The following AMY2B variants were observed in gnomAD, a reference collection of about 807,000 sequenced individuals.
The protein encoded by AMY2B is alpha-amylase 2B.
AMY2B carries 63 observed loss-of-function variants against 59.3 expected under a neutral mutation model. That is an observed-to-expected ratio of 1.06 (90% CI 0.87 to 1.31). The LOEUF (loss-of-function observed/expected upper bound fraction) is 1.31. Among genes scored for constraint, AMY2B ranks in the 50% most tolerant of loss-of-function variants. The pLI is 0.00. For synonymous variants in AMY2B, 180 were observed against 198.1 expected (o/e 0.91, Z 0.77); for missense variants, 635 against 626.7 (o/e 1.01, Z -0.14).
chr1:103,579,282 G>A, intron 9 of AMY2B, 29 bp from the exon 10 acceptor site: 1 of 1,611,562 alleles, frequency 6.2e-7, no homozygotes, highest in Non-Finnish European at 8.5e-7. Flanking sequence ...TCAGTGTATT[G>A]AAGTTAAATC....
At chr1:103,573,621 G>T in intron 3 of AMY2B, 87 bp from the exon 4 acceptor site, 4 of 1,571,242 alleles carry the variant, frequency 2.5e-6, no homozygotes, top group South Asian at 1.1e-5. Context: ...ATCTCTTGAG[G>T]AATCATGGAA....
chr1:103,575,689 T>C, intron 7 of AMY2B, 149 bp downstream of exon 7: 3 of 1,164,552 alleles, frequency 2.6e-6, no homozygotes, highest in Non-Finnish European at 3.6e-6. Flanking sequence ...ATGCAGGTTA[T>C]ATTAAAGGAG....
At chr1:103,574,517 A>G in intron 5 of AMY2B, 124 bp downstream of exon 5, 1 of 1,560,830 alleles carries the variant, frequency 6.4e-7, no homozygotes, top group Non-Finnish European at 8.7e-7. Context: ...TGTTAATGAT[A>G]AGTATTCTAG....
Position 103,579,354 on chromosome 1 carries a change from T to A in AMY2B, c.1390T>A (p.Tyr464Asn), listed in dbSNP as rs1336717024. 1 of 1,611,690 alleles carries A rather than the reference T, an allele frequency of 6.2e-7. No homozygotes were observed. The highest frequency in any genetic ancestry group is 8.5e-7 in the Non-Finnish European group (1 of 1,179,734). Reference protein sequence around the residue: ...TLQTGLPAGTYCDVISGDKIN... With the variant: ...TLQTGLPAGTNCDVISGDKIN... The stretch of plus-strand genomic sequence containing the variant: ...GCAAACTGGTCTTCCTGCTGGCACA[T>A]ACTGTGATGTCATTTCTGGAGATAA... The change falls in exon 10 of 10, where the codon TAC becomes AAC. Residue 464 changes from tyrosine (Y) to asparagine (N), a missense_variant. Physicochemically the swap from Tyr to Asn is moderately radical, Grantham distance 143. Transcript: ENST00000684275.
At chr1:103,573,590 G>A in intron 3 of AMY2B, 118 bp from the exon 4 acceptor site, 2 of 1,466,750 alleles carry the variant, frequency 1.4e-6, no homozygotes, top group Non-Finnish European at 1.9e-6. Flanking sequence ...AGCGCCCAAT[G>A]CAAGGAAGTC....
At chr1:103,561,205 C>T (rs1379548090) in intron 1 of AMY2B, among the ~76,000 whole-genome samples, 1 of 152,024 alleles carries the variant, frequency 6.6e-6, no homozygotes, top group East Asian at 1.9e-4. Flanking sequence ...AAGGTTCATA[C>T]AGAAAAAAAT....
chr1:103,573,027 T>A (rs748035192), intron 2 of AMY2B, 36 bp from the exon 3 acceptor site: 2 of 1,612,468 alleles, frequency 1.2e-6, no homozygotes, highest in East Asian at 2.2e-5. Flanking sequence ...TCTGCCTCTC[T>A]GTAAGTCACA....
At chr1:103,573,997 G>T (rs1175110275) in intron 4 of AMY2B, 59 bp downstream of exon 4, 9 of 1,611,808 alleles carry the variant, frequency 5.6e-6, no homozygotes, top group South Asian at 3.3e-5. Context: ...AATAATGGCA[G>T]ATTTAATTAA....
Position 103,575,892 on chromosome 1 carries a change from G to T in AMY2B, c.1101+352G>T, listed in dbSNP as rs564995828. ...GATTATACATGCCAACACTTTTAGA[G>T]AACTTAAAACATCATCTGCCCACAG... On this transcript the variant is annotated intron_variant, in intron 7 of 9. Coordinates refer to ENST00000684275, the MANE Select transcript of AMY2B (RefSeq NM_001387437.1). 1.1e-3 allele frequency: 202 copies of T among 192,150 alleles called. 3 individuals are homozygous for T. In the South Asian group the frequency reaches 0.023, roughly 22 times the overall value. The allele number at this position is 192,150 out of a possible 1,614,324, so 11.9% of individuals were successfully genotyped here. A position where few individuals can be genotyped will look rare whatever the true frequency, so the allele number is the denominator to read the frequency against.
chr1:103,570,939 C>CT (rs1652105546), upstream of AMY2B: 1 of 346,926 alleles, frequency 2.9e-6, no homozygotes, highest in Non-Finnish European at 5.6e-6. Context: ...GGCTTGGTCA[C>CT]TTCATGGCTA....
exon 2 of AMY2B, chr1:103,565,555 G>T (rs1651881193): frequency 6.6e-6 from 1 of 152,142 alleles, no homozygotes; most frequent in Non-Finnish European, 1.5e-5. Context: ...TTGTTGGAAT[G>T]ACTAGGGACA....
chr1:103,556,574 AAGTAT>A (rs1453345846), intron 1 of AMY2B, among the ~76,000 whole-genome samples: 3 of 151,912 alleles, frequency 2.0e-5, no homozygotes, highest in Non-Finnish European at 2.9e-5. Context: ...TAATAGTACT[AAGTAT>A]AGTATACTAA....
chr1:103,576,725 G>A (rs1438099546), intron 7 of AMY2B, among the ~76,000 whole-genome samples: 1 of 152,146 alleles, frequency 6.6e-6, no homozygotes. Context: ...TTGAGCACAT[G>A]TCACGTTCAA....
At chr1:103,555,911 T>C (rs1282220126) in intron 1 of AMY2B, among the ~76,000 whole-genome samples, 1 of 152,086 alleles carries the variant, frequency 6.6e-6, no homozygotes, top group Non-Finnish European at 1.5e-5. Context: ...AAGAGAGGGA[T>C]ATTGCTGAAG....
At chr1:103,571,031 T>TCAGGA (rs1652109613), upstream of AMY2B, 1 of 395,310 alleles carries the variant, frequency 2.5e-6, no homozygotes, top group African/African-American at 2.2e-5. Flanking sequence ...TATTAATGTG[T>TCAGGA]CAGGACTGAG....
chr1:103,576,806 T>G (rs1652373371), intron 7 of AMY2B, among the ~76,000 whole-genome samples: 1 of 152,356 alleles, frequency 6.6e-6, no homozygotes, highest in Middle Eastern at 3.4e-3. Flanking sequence ...ATGAGGAAAC[T>G]GAGACACAGA....
upstream of AMY2B, chr1:103,569,396 TTGTG>T (rs58457409): frequency 0.014 from 2,048 of 150,808 alleles, 7 homozygotes; most frequent in Middle Eastern, 0.052. Context: ...TTATGTGGGT[TTGTG>T]TGTGTGTGTG....
At chr1:103,565,620 C>G (rs951080942) in intron 2 of AMY2B, 2 of 152,146 alleles carry the variant, frequency 1.3e-5, no homozygotes, top group Admixed American at 1.3e-4. Flanking sequence ...AATGTATGAT[C>G]TCAGAGTTCC....
intron 2 of AMY2B, among the ~76,000 whole-genome samples, chr1:103,572,606 C>T (rs1652179882): frequency 2.0e-5 from 3 of 152,144 alleles, no homozygotes; most frequent in African/African-American, 7.2e-5. Context: ...TATCTCCATC[C>T]ATAATTCCTG....
Sources: allele counts gnomAD v4.1 joint callset (sites outside exome capture counted in the v4.1 genomes callset), GRCh38; gene constraint gnomAD v4.1.1; transcripts MANE v1.5; gene names NCBI Gene and HGNC (gene_info 2026-07-23, HGNC 2026-07-21).